CARMIL1: variants seen among roughly 807,000 people sequenced by gnomAD.
CARMIL1 encodes capping protein regulator and myosin 1 linker 1, also known as F-actin-uncapping protein LRRC16A.
CARMIL1 carries 90 observed loss-of-function variants against 177.1 expected under a neutral mutation model. The ratio of observed to expected loss-of-function variants is 0.51; its 90% CI spans 0.43 to 0.61. The LOEUF is 0.61. Ranked by LOEUF, CARMIL1 falls within the 20% of genes least tolerant of loss-of-function variation. CARMIL1 has a pLI of 0.00. For synonymous variants in CARMIL1, 577 were observed against 606.2 expected (o/e 0.95, Z 0.71); for missense variants, 1,380 against 1,667.0 (o/e 0.83, Z 3.00).
chr6:25,316,903 A>C (rs1159240147), intron 2 of CARMIL1, among the ~76,000 whole-genome samples: 2 of 152,190 alleles, frequency 1.3e-5, no homozygotes, highest in Non-Finnish European at 2.9e-5. Context: ...ACTAGAAAGC[A>C]GTGCACCTGG....
intron 2 of CARMIL1, among the ~76,000 whole-genome samples, chr6:25,336,398 T>C (rs1786236681): frequency 6.6e-6 from 1 of 152,324 alleles, no homozygotes; most frequent in South Asian, 2.1e-4. Context: ...TGTACTCTAC[T>C]CACCTCCCCT....
rs756807236 is a variant in CARMIL1 at position 25,491,712 on chromosome 6, A to T, written c.1066-20A>T. 1.3e-6 allele frequency: 2 copies of T among 1,507,830 alleles called. No individual in the cohort carries two copies. Among genetic ancestry groups the T allele is most frequent in the Non-Finnish European group, 1.8e-6 (2 of 1,102,698 alleles). The allele number at this position is 1,507,830 out of a possible 1,614,324, so 93.4% of individuals were successfully genotyped here. On this transcript the variant is annotated intron_variant, in intron 13 of 36. Coordinates refer to ENST00000329474, the MANE Select transcript of CARMIL1 (RefSeq NM_017640.6). Reference sequence around the variant, plus strand: ...GTGTGTTTCTAGAATCCTAACATTTATCTTTTATTTTTTTTCAAGCACATG... The same window carrying T: ...GTGTGTTTCTAGAATCCTAACATTTTTCTTTTATTTTTTTTCAAGCACATG...
chr6:25,418,442 A>C (rs1241414114), intron 2 of CARMIL1, among the ~76,000 whole-genome samples: 1 of 151,758 alleles, frequency 6.6e-6, no homozygotes, highest in Non-Finnish European at 1.5e-5. Context: ...ACCGAGCTGC[A>C]CTTGACCTCC....
intron 2 of CARMIL1, among the ~76,000 whole-genome samples, chr6:25,334,925 A>G (rs953136573): frequency 1.3e-5 from 2 of 152,206 alleles, no homozygotes; most frequent in African/African-American, 2.4e-5. Context: ...AACAGTAACA[A>G]TCTGAAACCA....
At chr6:25,429,858 T>C (rs537610295) in intron 4 of CARMIL1, among the ~76,000 whole-genome samples, 44 of 148,548 alleles carry the variant, frequency 3.0e-4, no homozygotes, top group African/African-American at 1.1e-3. Flanking sequence ...ATTATATATA[T>C]ATTTTTGAGA....
At chr6:25,617,814 A>G (rs1759401817) in intron 36 of CARMIL1, among the ~76,000 whole-genome samples, 1 of 152,188 alleles carries the variant, frequency 6.6e-6, no homozygotes, top group South Asian at 2.1e-4. Context: ...TTGTGAAAGG[A>G]CCAAACAAGT....
rs189009803 is a variant in CARMIL1, at chr6:25,313,481, G to T, written c.138+28572G>T. Among the ~76,000 whole-genome samples, 14 of 152,130 alleles carry T rather than the reference G, an allele frequency of 9.2e-5. No homozygotes were observed. The East Asian group carries it at 2.7e-3, about 29-fold the overall frequency. ...AGTATAGATTTGGTCCTATAAGGCT[G>T]CAGATACATAGTGGGCAGAAAGATG... is the stretch of plus-strand genomic sequence containing the variant. On this transcript the variant is annotated intron_variant, in intron 2 of 36. Transcript: ENST00000329474.
intron 29 of CARMIL1, among the ~76,000 whole-genome samples, chr6:25,570,073 T>A (rs749348269): frequency 6.6e-6 from 1 of 152,118 alleles, no homozygotes; most frequent in Non-Finnish European, 1.5e-5. Context: ...CACGCCATTC[T>A]CCTGCCTCAG....
Position 25,619,642 on chromosome 6 carries a change from CCAAGGGCAA to C in CARMIL1, c.*62_*70del. On this transcript the variant is annotated 3_prime_UTR_variant, in exon 37 of 37. Transcript: ENST00000329474. ...TGCTTTGGTAGCCATCAGAGAGGAA[CCAAGGGCAA>C]CATCTTTTCTTCCCAGGCGTTCTTC... The C allele has an allele frequency of 2.0e-6, 3 of 1,513,440 alleles. No homozygotes were observed. The highest frequency in any genetic ancestry group is 2.7e-6 in the Non-Finnish European group (3 of 1,129,750). The allele number at this position is 1,513,440 out of a possible 1,614,324, so 93.8% of individuals were successfully genotyped here. A position where few individuals can be genotyped will look rare whatever the true frequency, so the allele number is the denominator to read the frequency against.
intron 2 of CARMIL1, among the ~76,000 whole-genome samples, chr6:25,350,343 A>C (rs187251966): frequency 6.6e-6 from 1 of 152,184 alleles, no homozygotes; most frequent in Non-Finnish European, 1.5e-5. Flanking sequence ...CTAAAGTCTT[A>C]TAGTTACTAA....
intron 23 of CARMIL1, among the ~76,000 whole-genome samples, chr6:25,520,879 G>T (rs1806485892): frequency 6.6e-6 from 1 of 152,068 alleles, no homozygotes; most frequent in Non-Finnish European, 1.5e-5. Flanking sequence ...CCCTGTGCTG[G>T]AAACCTCTGA....
intron 17 of CARMIL1, 92 bp downstream of exon 17, chr6:25,500,327 AGG>A: frequency 1.9e-6 from 2 of 1,067,708 alleles, no homozygotes; most frequent in Admixed American, 2.0e-5. Flanking sequence ...GTGATTCCAC[AGG>A]GTGTAAATGA....
At chr6:25,605,520 T>G (rs1050367874) in intron 34 of CARMIL1, among the ~76,000 whole-genome samples, 1 of 152,150 alleles carries the variant, frequency 6.6e-6, no homozygotes, top group African/African-American at 2.4e-5. Context: ...TTTTTGCCAG[T>G]TGTCTTGTTA....
At chr6:25,441,339 G>A (rs76331665) in intron 5 of CARMIL1, among the ~76,000 whole-genome samples, 4,168 of 43,996 alleles carry the variant, frequency 0.095, 123 homozygotes, top group African/African-American at 0.18. Context: ...ATATATATAT[G>A]TGTGTGTGTG....
At chr6:25,526,272 G>A (rs987061536) in intron 23 of CARMIL1, among the ~76,000 whole-genome samples, 7 of 151,958 alleles carry the variant, frequency 4.6e-5, no homozygotes, top group Non-Finnish European at 1.0e-4. Context: ...GAACCCGGGG[G>A]GTGGAGCTTG....
At chr6:25,557,561 G>A (rs928762380) in intron 29 of CARMIL1, among the ~76,000 whole-genome samples, 5 of 151,976 alleles carry the variant, frequency 3.3e-5, no homozygotes, top group Admixed American at 3.3e-4. Context: ...ATCATCCTCT[G>A]TATTCAATAT....
At chr6:25,359,512 G>T (rs1020521166) in intron 2 of CARMIL1, among the ~76,000 whole-genome samples, 45 of 152,354 alleles carry the variant, frequency 3.0e-4, no homozygotes, top group African/African-American at 1.0e-3. Context: ...GCGTAACTTT[G>T]AGGCAGGCAC....
At chr6:25,566,895 T>C (rs1281856660) in intron 29 of CARMIL1, among the ~76,000 whole-genome samples, 1 of 152,240 alleles carries the variant, frequency 6.6e-6, no homozygotes. Flanking sequence ...GAAAAAGTTA[T>C]CTTTAAACTG....
intron 23 of CARMIL1, among the ~76,000 whole-genome samples, chr6:25,526,512 C>T (rs114247656): frequency 1.8e-3 from 279 of 151,184 alleles, no homozygotes; most frequent in Non-Finnish European, 3.3e-3. Context: ...TCTCCTCCTT[C>T]GCCTCTCATC....
Sources: gnomAD v4.1 joint callset for allele counts (sites outside exome capture counted in the v4.1 genomes callset) on GRCh38, gnomAD v4.1.1 for gene constraint, MANE v1.5 for transcripts, NCBI Gene and HGNC (gene_info 2026-07-23, HGNC 2026-07-21) for gene names.